KLHL1: variants seen among roughly 807,000 people sequenced by gnomAD.
KLHL1 encodes kelch like family member 1.
A neutral mutation model predicts 77.7 loss-of-function variants in KLHL1; 47 were observed. The ratio of observed to expected loss-of-function variants is 0.60; its 90% confidence interval spans 0.48 to 0.77. KLHL1 has a LOEUF of 0.77. KLHL1 is among the 30% of genes least tolerant of loss of function. The pLI, the probability that KLHL1 is intolerant of heterozygous loss-of-function variation, is 0.00. For synonymous variants in KLHL1, 360 were observed against 325.2 expected, an observed-to-expected ratio of 1.11 and a Z score of -1.15; for missense variants, 925 against 910.8, an observed-to-expected ratio of 1.02 and a Z score of -0.20.
In KLHL1 at chr13:69,940,244, T is replaced by G; in HGVS notation, c.818-8A>C. On this transcript the variant is annotated splice_polypyrimidine_tract_variant and splice_region_variant and intron_variant, in intron 3 of 10. Coordinates refer to ENST00000377844, the MANE Select transcript of KLHL1 (RefSeq NM_020866.3). ...CTTTTAATTCCAAGCAGCCTAAACATAAGCAAAGATAATTATGAAACTCTT... is the reference window on the plus strand; with the variant it reads ...CTTTTAATTCCAAGCAGCCTAAACAGAAGCAAAGATAATTATGAAACTCTT... 1 of 1,581,388 alleles carries G rather than the reference T, an allele frequency of 6.3e-7. No individual in the cohort carries two copies.
intron 8 of KLHL1, among the ~76,000 whole-genome samples, chr13:69,729,204 G>A (rs188430475): frequency 9.2e-5 from 14 of 152,210 alleles, no homozygotes; most frequent in Admixed American, 9.2e-4. Context: ...TATTCACCAA[G>A]TGAGTCTGGC....
chr13:69,985,008 G>A (rs757706759), intron 1 of KLHL1, among the ~76,000 whole-genome samples: 22 of 152,086 alleles, frequency 1.4e-4, no homozygotes, highest in Non-Finnish European at 2.6e-4. Context: ...CTACTCAGGA[G>A]GCTGAAGCAG....
At position 70,000,301 on chromosome 13, in the gene KLHL1, A is replaced by G. The variant is rs554150424; in HGVS notation, c.498-24499T>C. 2.6e-5 allele frequency among the ~76,000 whole-genome samples: 4 copies of G among 152,224 alleles called. No individual in the cohort carries two copies. The South Asian group carries it at 8.3e-4, about 32-fold the overall frequency. On this transcript the variant is annotated intron_variant, in intron 1 of 10. Transcript: ENST00000377844. ...AAAAAGAATAGCTCATGTTTATCAA[A>G]GAGTCTGTCAGGAAGAAATTGTGAA...
intron 5 of KLHL1, among the ~76,000 whole-genome samples, chr13:69,881,930 G>A (rs1458170969): frequency 1.3e-5 from 2 of 152,196 alleles, no homozygotes; most frequent in Middle Eastern, 3.4e-3. Context: ...TAATTGACAG[G>A]AGACACTGTA....
intron 1 of KLHL1, among the ~76,000 whole-genome samples, chr13:70,012,169 T>G (rs573038405): frequency 6.6e-6 from 1 of 152,246 alleles, no homozygotes; most frequent in East Asian, 1.9e-4. Context: ...CACAGCCAAA[T>G]CATATCAGGT....
In KLHL1 at chr13:69,829,841, A is replaced by C. The variant is rs747700635; in HGVS notation, c.1414+9135T>G. ...ATTATCGACCAAGAATTTTGTATCC[A>C]GTGAAACTAAGCTTCATAAATGAAG... is the stretch of plus-strand genomic sequence containing the variant. On this transcript the variant is annotated intron_variant, in intron 6 of 10. Coordinates refer to ENST00000377844, the MANE Select transcript of KLHL1 (RefSeq NM_020866.3). Among the ~76,000 whole-genome samples, 16 of 150,234 alleles carry C rather than the reference A, an allele frequency of 1.1e-4. 2 individuals carry two copies. Among genetic ancestry groups the C allele is most frequent in the Admixed American group, 3.3e-4 (5 of 15,000 alleles).
intron 4 of KLHL1, among the ~76,000 whole-genome samples, chr13:69,928,842 T>C (rs1882900649): frequency 1.3e-5 from 2 of 152,096 alleles, no homozygotes. Context: ...TGGTGATAGT[T>C]GCACAACTCT....
At chr13:69,938,629 A>G (rs977481114) in intron 4 of KLHL1, among the ~76,000 whole-genome samples, 2 of 152,066 alleles carry the variant, frequency 1.3e-5, no homozygotes, top group Non-Finnish European at 2.9e-5. Flanking sequence ...AAATGTGCCT[A>G]ATTAAATGGT....
chr13:69,924,324 T>C (rs549642924), intron 4 of KLHL1, among the ~76,000 whole-genome samples: 4 of 152,300 alleles, frequency 2.6e-5, no homozygotes, highest in Non-Finnish European at 4.4e-5. Context: ...TACTGTGCTT[T>C]TTCCGGGCCT....
chr13:69,799,942 T>C (rs1286176443), intron 6 of KLHL1, among the ~76,000 whole-genome samples: 1 of 152,166 alleles, frequency 6.6e-6, no homozygotes, highest in Non-Finnish European at 1.5e-5. Context: ...TTGTGAACTG[T>C]GCATGGGAGG....
intron 4 of KLHL1, among the ~76,000 whole-genome samples, chr13:69,909,645 A>T (rs1882170221): frequency 6.6e-6 from 1 of 151,972 alleles, no homozygotes; most frequent in South Asian, 2.1e-4. Flanking sequence ...TCTCCTATTC[A>T]TTCCATGCAT....
chr13:70,011,978 G>A (rs1485997326), intron 1 of KLHL1, among the ~76,000 whole-genome samples: 1 of 152,104 alleles, frequency 6.6e-6, no homozygotes, highest in Non-Finnish European at 1.5e-5. Flanking sequence ...GATGGCAGCA[G>A]GCAAAGAGAG....
chr13:70,063,897 G>C (rs979287175), intron 1 of KLHL1, among the ~76,000 whole-genome samples: 8 of 151,916 alleles, frequency 5.3e-5, no homozygotes, highest in Non-Finnish European at 8.8e-5. Context: ...TATATGATTG[G>C]ATGCTTTCTT....
At chr13:69,773,657 T>G (rs1875685764) in intron 7 of KLHL1, among the ~76,000 whole-genome samples, 1 of 151,900 alleles carries the variant, frequency 6.6e-6, no homozygotes, top group Non-Finnish European at 1.5e-5. Flanking sequence ...GTCAAGGTCT[T>G]TCGAGTATGG....
chr13:70,046,001 G>T (rs570203440), intron 1 of KLHL1, among the ~76,000 whole-genome samples: 64 of 152,272 alleles, frequency 4.2e-4, no homozygotes, highest in African/African-American at 1.4e-3. Flanking sequence ...TAGTTAAGTT[G>T]TTTTTTGTAA....
chr13:69,818,067 A>C (rs933060936), intron 6 of KLHL1, among the ~76,000 whole-genome samples: 5 of 152,120 alleles, frequency 3.3e-5, no homozygotes, highest in African/African-American at 1.2e-4. Flanking sequence ...CTTTCTAGTG[A>C]AGATAAGGCT....
At chr13:69,951,357 G>T (rs988753344) in intron 3 of KLHL1, among the ~76,000 whole-genome samples, 6 of 151,380 alleles carry the variant, frequency 4.0e-5, no homozygotes, top group Non-Finnish European at 8.9e-5. Flanking sequence ...AACTAGAAGG[G>T]AGATAGAAAG....
chr13:70,043,774 T>G (rs1202787571), intron 1 of KLHL1, among the ~76,000 whole-genome samples: 2 of 152,182 alleles, frequency 1.3e-5, no homozygotes, highest in African/African-American at 2.4e-5. Context: ...TATATAATTA[T>G]ACTCTCTGAT....
At chr13:69,977,216 A>T (rs946454433) in intron 1 of KLHL1, among the ~76,000 whole-genome samples, 10 of 152,132 alleles carry the variant, frequency 6.6e-5, no homozygotes, top group African/African-American at 2.4e-4. Flanking sequence ...GACAACAGAA[A>T]CAGTCTCCCA....
Sources: gnomAD v4.1 joint callset for allele counts (sites outside exome capture counted in the v4.1 genomes callset) on GRCh38, gnomAD v4.1.1 for gene constraint, MANE v1.5 for transcripts, NCBI Gene and HGNC (gene_info 2026-07-23, HGNC 2026-07-21) for gene names.